The following STARD9 variants were observed in gnomAD, a reference collection of about 807,000 sequenced individuals.
STARD9 encodes stAR-related lipid transfer protein 9.
In STARD9, 346 loss-of-function variants were observed where a neutral mutation model predicts 399.8. The ratio of observed to expected loss-of-function variants is 0.87; its 90% CI spans 0.79 to 0.95. The LOEUF is 0.95. STARD9 is among the 40% of genes least tolerant of loss of function. The pLI is 0.00. For missense variants in STARD9, 5,832 were observed against 5,667.5 expected (o/e 1.03, Z -0.93); for synonymous variants, 2,203 against 2,143.5 (o/e 1.03, Z -0.77).
intron 3 of STARD9, among the ~76,000 whole-genome samples, chr15:42,628,570 A>G (rs1332190599): frequency 6.6e-6 from 1 of 152,206 alleles, no homozygotes; most frequent in Non-Finnish European, 1.5e-5. Flanking sequence ...GAGGTCTTAG[A>G]TTTAAGTCCT....
chr15:42,714,480 T>G (rs926373212), intron 26 of STARD9, among the ~76,000 whole-genome samples: 8 of 152,248 alleles, frequency 5.3e-5, no homozygotes, highest in Non-Finnish European at 1.0e-4. Context: ...TTTTATTTCT[T>G]TTCATGGATG....
chr15:42,576,548 C>T (rs555525085), intron 1 of STARD9, among the ~76,000 whole-genome samples: 1 of 151,982 alleles, frequency 6.6e-6, no homozygotes, highest in Non-Finnish European at 1.5e-5. Flanking sequence ...CTGTAAGGGA[C>T]TAACTAGAGG....
In STARD9 at chr15:42,684,112, A is replaced by C; in HGVS notation, c.2538-4A>C. 6.6e-7 allele frequency: 1 copy of C among 1,521,392 alleles called. No individual in the cohort carries two copies. The highest frequency in any genetic ancestry group is 8.8e-7 in the Non-Finnish European group (1 of 1,135,602). The allele number at this position is 1,521,392 out of a possible 1,614,324, so 94.2% of individuals were successfully genotyped here. On this transcript the variant is annotated splice_polypyrimidine_tract_variant and splice_region_variant and intron_variant, in intron 22 of 32. Transcript: ENST00000290607. ...TTCTGAGATAGCTTTCCTTGTCTTC[A>C]CAGCATTTTCCTAAGTTGGGATCCC... is the stretch of plus-strand genomic sequence containing the variant.
At position 42,684,864 on chromosome 15, in the gene STARD9, A is replaced by G; in HGVS notation, c.3286A>G (p.Lys1096Glu). Residue 1096 changes from lysine (K) to glutamate (E), a missense_variant, in exon 23 of 33, where the codon AAA (lysine) becomes GAA (glutamate). This residue lies in a region of STARD9 where 5,828 missense variants were observed against 5,651.1 expected (regional missense o/e 1.03). Coordinates refer to ENST00000290607, the MANE Select transcript of STARD9 (RefSeq NM_020759.3). ...FSPVMDHSRE[K>E]DNDLSDTDSN... Reference sequence around the variant, plus strand: ...CCCAGTAATGGATCATTCAAGAGAAAAAGACAATGATTTATCTGACACAGA... The same window carrying G: ...CCCAGTAATGGATCATTCAAGAGAAGAAGACAATGATTTATCTGACACAGA... The G allele has an allele frequency of 6.5e-7, 1 of 1,537,172 alleles. No individual in the cohort carries two copies. Among genetic ancestry groups the G allele is most frequent in the Non-Finnish European group, 8.7e-7 (1 of 1,146,918 alleles).
chr15:42,669,551 A>T (rs1009453475), intron 16 of STARD9: 1 of 409,706 alleles, frequency 2.4e-6, no homozygotes, highest in African/African-American at 2.0e-5. Context: ...AATCAGAACA[A>T]TTGTTTTTCA....
Position 42,718,463 on chromosome 15 carries a change from C to T in STARD9, c.13791C>T (p.Cys4597=), listed in dbSNP as rs1460062468. ...LVYLVCNTTL[C]ALKQPRDFCC... is the part of the protein sequence containing the mutation. ...ACTTGGTGTGCAACACCACCCTGTG[C>T]GCACTGAAGCAGCCACGGGATTTCT... The change falls in exon 31 of 33, where the codon TGC becomes TGT. Residue 4597 remains cysteine, a synonymous_variant. Transcript: ENST00000290607. The T allele has an allele frequency of 4.1e-5, 63 of 1,537,144 alleles. No individual in the cohort carries two copies. Among genetic ancestry groups the T allele is most frequent in the South Asian group, 4.8e-5 (4 of 84,056 alleles).
intron 3 of STARD9, among the ~76,000 whole-genome samples, chr15:42,625,016 C>T (rs1201142660): frequency 6.6e-6 from 1 of 152,102 alleles, no homozygotes; most frequent in East Asian, 1.9e-4. Flanking sequence ...AAACAGAATA[C>T]ATCATAGACA....
chr15:42,687,064 T>C lies in STARD9; in HGVS notation c.5486T>C (p.Ile1829Thr). 2.0e-6 allele frequency: 3 copies of C among 1,537,100 alleles called. No individual in the cohort carries two copies. The highest frequency in any genetic ancestry group is 2.6e-6 in the Non-Finnish European group (3 of 1,146,882). Residue 1829 changes from isoleucine (I) to threonine (T), a missense_variant, in exon 23 of 33, where the codon ATC becomes ACC. By Grantham distance (89) the Ile-to-Thr change is moderately conservative. Coordinates refer to ENST00000290607, the MANE Select transcript of STARD9 (RefSeq NM_020759.3). Reference sequence around the variant, plus strand: ...GTTGATCTGAATACCAGGGAAGTCATCAGAGAATCAGGTAAATGCCCTGGA... The same window carrying C: ...GTTGATCTGAATACCAGGGAAGTCACCAGAGAATCAGGTAAATGCCCTGGA... ...IPVDLNTREV[I>T]RESGKCPGNI... is the part of the protein sequence containing the mutation.
chr15:42,610,099 A>G (rs1040080604), intron 3 of STARD9, among the ~76,000 whole-genome samples: 1 of 152,166 alleles, frequency 6.6e-6, no homozygotes, highest in African/African-American at 2.4e-5. Context: ...TCTCCAAGAA[A>G]TAAAATAAAA....
Position 42,690,743 on chromosome 15 carries a change from A to G in STARD9, c.9165A>G (p.Gln3055=). 1 of 1,537,260 alleles carries G rather than the reference A, an allele frequency of 6.5e-7. No individual in the cohort carries two copies. Among genetic ancestry groups the G allele is most frequent in the Non-Finnish European group, 8.7e-7 (1 of 1,146,906 alleles). The change falls in exon 23 of 33, where the codon CAA becomes CAG. Residue 3055 remains glutamine, a synonymous_variant. Coordinates refer to ENST00000290607, the MANE Select transcript of STARD9 (RefSeq NM_020759.3). ...STVAAVLSRA[Q]GCRSPSAPDV... is the part of the protein sequence containing the mutation. ...TGGCTGCTGTCCTATCTCGAGCTCA[A>G]GGCTGCAGATCCCCTTCTGCTCCTG...
At chr15:42,653,382 C>T (rs73408611) in intron 9 of STARD9, among the ~76,000 whole-genome samples, 21,237 of 152,056 alleles carry the variant, frequency 0.14, 4,050 homozygotes, top group African/African-American at 0.43. Flanking sequence ...AAAATGATGA[C>T]TAAAAACTTC....
At chr15:42,658,348 A>AT (rs1267318873) in intron 9 of STARD9, among the ~76,000 whole-genome samples, 7 of 148,352 alleles carry the variant, frequency 4.7e-5, no homozygotes, top group African/African-American at 7.5e-5. Context: ...TAACTTTTGT[A>AT]TTTTTTTTGT....
At chr15:42,597,965 C>T in intron 3 of STARD9, among the ~76,000 whole-genome samples, 1 of 148,630 alleles carries the variant, frequency 6.7e-6, no homozygotes, top group African/African-American at 2.5e-5. Flanking sequence ...GCCACTGCTC[C>T]CAGCCTGTGT....
intron 1 of STARD9, among the ~76,000 whole-genome samples, chr15:42,579,258 T>C (rs2058120415): frequency 6.6e-6 from 1 of 151,780 alleles, no homozygotes; most frequent in African/African-American, 2.4e-5. Context: ...CACTACAAAC[T>C]CCAAACATGC....
At chr15:42,618,117 C>A (rs892843726) in intron 3 of STARD9, among the ~76,000 whole-genome samples, 4 of 151,448 alleles carry the variant, frequency 2.6e-5, no homozygotes, top group Admixed American at 2.6e-4. Context: ...TTATGTATTT[C>A]TTTAGTATAC....
intron 3 of STARD9, among the ~76,000 whole-genome samples, chr15:42,621,474 G>C (rs1430303336): frequency 6.6e-6 from 1 of 152,176 alleles, no homozygotes; most frequent in Admixed American, 6.5e-5. Context: ...GCAGCCCCTA[G>C]AACTACGATA....
At chr15:42,661,059 T>C in intron 9 of STARD9, 99 bp from the exon 10 acceptor site, 1 of 830,212 alleles carries the variant, frequency 1.2e-6, no homozygotes, top group South Asian at 1.6e-5. Flanking sequence ...TTGAGTGAAT[T>C]GGATAAAAAT....
At chr15:42,604,129 G>C (rs779632971) in intron 3 of STARD9, among the ~76,000 whole-genome samples, 3 of 152,176 alleles carry the variant, frequency 2.0e-5, no homozygotes, top group Non-Finnish European at 2.9e-5. Flanking sequence ...AGGTAGCCTG[G>C]AGGTTAGAAG....
rs1336054150 is a variant in STARD9, at chr15:42,675,705, A to C, written c.1729A>C (p.Asn577His). Reference sequence around the variant, plus strand: ...GGGGAAGGCACAGAAGTTCCGATTCAACCACCCAGCAGAGGCTGCTGTCCT... The same window carrying C: ...GGGGAAGGCACAGAAGTTCCGATTCCACCACCCAGCAGAGGCTGCTGTCCT... Reference protein sequence around the residue: ...TLGKAQKFRFNHPAEAAVLRQ... With the variant: ...TLGKAQKFRFHHPAEAAVLRQ... Residue 577 changes from asparagine (N) to histidine (H), a missense_variant, in exon 19 of 33, where the codon AAC becomes CAC. Coordinates refer to ENST00000290607, the MANE Select transcript of STARD9 (RefSeq NM_020759.3). The C allele has an allele frequency of 2.6e-6, 4 of 1,537,108 alleles. No individual in the cohort carries two copies. The highest frequency in any genetic ancestry group is 3.5e-6 in the Non-Finnish European group (4 of 1,146,888).
Sources: allele counts gnomAD v4.1 joint callset (sites outside exome capture counted in the v4.1 genomes callset), GRCh38; gene constraint gnomAD v4.1.1; regional missense constraint gnomAD v4.1.1; transcripts MANE v1.5; gene names NCBI Gene and HGNC (gene_info 2026-07-23, HGNC 2026-07-21).